HPS3: variants seen among roughly 807,000 people sequenced by gnomAD.
The protein encoded by HPS3 is HPS3 biogenesis of lysosomal organelles complex 2 subunit 1.
Under a neutral mutation model 110.9 loss-of-function variants are expected in HPS3, and 79 were observed. The observed-to-expected ratio is 0.71, with a 90% CI of 0.59 to 0.86. The LOEUF (loss-of-function observed/expected upper bound fraction) is 0.86. Among genes scored for constraint, HPS3 ranks in the 40% least tolerant of loss-of-function variants. The pLI is 0.00. For synonymous variants in HPS3, 428 were observed against 451.0 expected (o/e 0.95, Z 0.65); for missense variants, 1,197 against 1,206.2 (o/e 0.99, Z 0.11).
intron 12 of HPS3, 102 bp downstream of exon 12, chr3:149,162,435 G>GA (rs1011186746): frequency 3.6e-6 from 4 of 1,108,262 alleles, no homozygotes; most frequent in African/African-American, 1.6e-5. Context: ...TTTGTTTATT[G>GA]AAAAAACAGA....
chr3:149,141,532 T>TG (rs1722462540), intron 4 of HPS3, 152 bp downstream of exon 4: 91 of 159,948 alleles, frequency 5.7e-4, no homozygotes, highest in Middle Eastern at 1.7e-3. Context: ...TTTTTTTTTG[T>TG]TTTTTTTTTT....
intron 6 of HPS3, among the ~76,000 whole-genome samples, chr3:149,152,682 G>A (rs1018847076): frequency 3.4e-4 from 51 of 152,164 alleles, no homozygotes; most frequent in African/African-American, 1.2e-3. Context: ...CTTTTCCTCT[G>A]AGATTCTGAC....
At chr3:149,144,677 G>C (rs1722684353) in intron 4 of HPS3, among the ~76,000 whole-genome samples, 1 of 151,924 alleles carries the variant, frequency 6.6e-6, no homozygotes. Flanking sequence ...ATGTTTCTCT[G>C]TCCACTGTAT....
rs1352957239 is a variant in HPS3 at position 149,157,513 on chromosome 3, T to A, written c.1673T>A (p.Leu558His). ...GCATTTAAGGAAAGCTGTGGGCACC[T>A]TGGGGACTGTTACAGCAGGTGGGTG... ...LEAFKESCGH[L>H]GDCYSRLDSQ... The change falls in exon 9 of 17, where the codon CTT becomes CAT. Residue 558 changes from leucine to histidine, a missense_variant. Physicochemically the swap from Leu to His is moderately conservative, Grantham distance 99 (BLOSUM62 -3). Transcript: ENST00000296051. The A allele has an allele frequency of 6.2e-7, 1 of 1,613,772 alleles. No individual in the cohort carries two copies. Among genetic ancestry groups the A allele is most frequent in the East Asian group, 2.2e-5 (1 of 44,874 alleles).
rs16861537 is a variant in HPS3, at chr3:149,149,547, C to T, written c.1164-1052C>T. Among the ~76,000 whole-genome samples, 203 of 152,280 alleles carry T rather than the reference C, an allele frequency of 1.3e-3. 1 individual carries two copies. The highest frequency in any genetic ancestry group is 4.7e-3 in the African/African-American group (195 of 41,556). On this transcript the variant is annotated intron_variant, in intron 5 of 16. Coordinates refer to ENST00000296051, the MANE Select transcript of HPS3 (RefSeq NM_032383.5). ...CAGATGGAGAGAGGCCTGACTACCT[C>T]TTAAATTGTGCTAAGCCTCCTAACT...
Position 149,162,574 on chromosome 3 carries a change from C to G in HPS3, c.2293-116C>G, listed in dbSNP as rs779846199. The G allele has an allele frequency of 4.2e-6, 5 of 1,189,248 alleles. No individual in the cohort carries two copies. In the African/African-American group the frequency reaches 7.5e-5, roughly 18 times the overall value. 73.7% of individuals were successfully genotyped at this position (1,189,248 alleles called of 1,614,324 possible). A position where few individuals can be genotyped will look rare whatever the true frequency, so the allele number is the denominator to read the frequency against. ...ATTTGCTTTTGCCATGGCGCTAATG[C>G]TAATGGTAAATTATTGATTGCGTGG... On this transcript the variant is annotated intron_variant, in intron 12 of 16. Transcript: ENST00000296051.
At chr3:149,158,974 G>A in intron 10 of HPS3, 128 bp downstream of exon 10, 1 of 668,732 alleles carries the variant, frequency 1.5e-6, no homozygotes, top group Non-Finnish European at 2.5e-6. Context: ...TTCTAAAAAA[G>A]TAATGTGACC....
At chr3:149,161,964 T>G (rs776125537) in intron 11 of HPS3, among the ~76,000 whole-genome samples, 184 bp from the exon 12 acceptor site, 3 of 152,228 alleles carry the variant, frequency 2.0e-5, no homozygotes, top group Non-Finnish European at 4.4e-5. Flanking sequence ...GTTAGTAACT[T>G]CTGTAAGACA....
At chr3:149,149,053 A>C (rs1722949980) in intron 5 of HPS3, among the ~76,000 whole-genome samples, 1 of 145,622 alleles carries the variant, frequency 6.9e-6, no homozygotes, top group African/African-American at 2.5e-5. Context: ...TCCCGGGTTC[A>C]TGCCATTCTC....
rs1308648446 is a variant in HPS3, at chr3:149,141,395, G to A, written c.970+15G>A. The A allele has an allele frequency of 2.5e-6, 4 of 1,595,108 alleles. No individual in the cohort carries two copies. In the East Asian group the frequency reaches 8.9e-5, roughly 36 times the overall value. Reference sequence around the variant, plus strand: ...TTACCAGACCGGTAAGCATGACAGTGCAGGAGTGCGACAGTGCAGCAAGGT... The same window carrying A: ...TTACCAGACCGGTAAGCATGACAGTACAGGAGTGCGACAGTGCAGCAAGGT... On this transcript the variant is annotated intron_variant, in intron 4 of 16. Coordinates refer to ENST00000296051, the MANE Select transcript of HPS3 (RefSeq NM_032383.5).
At chr3:149,137,225 G>A (rs1351248016) in intron 1 of HPS3, among the ~76,000 whole-genome samples, 1 of 152,160 alleles carries the variant, frequency 6.6e-6, no homozygotes, top group Non-Finnish European at 1.5e-5. Flanking sequence ...AAGAAAAGAT[G>A]CTCAAAATCA....
rs1393307454 is a variant in HPS3 at position 149,129,834 on chromosome 3, G to T, written c.111G>T (p.Ala37=). 6.2e-7 allele frequency: 1 copy of T among 1,604,888 alleles called. No homozygotes were observed. The highest frequency in any genetic ancestry group is 1.7e-5 in the Admixed American group (1 of 59,836). Residue 37 remains alanine (A), a synonymous_variant, in exon 1 of 17, where the codon GCG becomes GCT. Coordinates refer to ENST00000296051, the MANE Select transcript of HPS3 (RefSeq NM_032383.5). ...GGCGTGACGCGCTTTTCGTGGCGGC[G>T]GGCTGCAAGGTGGAGGCGTTCGCGG... ...GGGRDALFVA[A]GCKVEAFAVA...
rs1306281704 is a variant in HPS3, at chr3:149,172,138, C to A, written c.2931C>A (p.Phe977Leu). The change falls in exon 17 of 17, where the codon TTC becomes TTA. Residue 977 changes from phenylalanine (F) to leucine (L), a missense_variant. Transcript: ENST00000296051. ...IVAVELELKD[F>L]MNVLPEDGTA... ...CTGTGGAACTAGAACTGAAGGATTT[C>A]ATGAATGTTCTCCCAGAAGATGGTA... is the stretch of plus-strand genomic sequence containing the variant. The A allele has an allele frequency of 1.2e-6, 2 of 1,612,492 alleles. No homozygotes were observed. Among genetic ancestry groups the A allele is most frequent in the Admixed American group, 3.3e-5 (2 of 60,020 alleles).
intron 12 of HPS3, 153 bp from the exon 13 acceptor site, chr3:149,162,536 TA>T (rs769588830): frequency 1.4e-4 from 143 of 988,796 alleles, no homozygotes; most frequent in Non-Finnish European, 2.1e-4. Context: ...TGTTTCCTTT[TA>T]AAAATGTCTA....
At position 149,129,906 on chromosome 3, in the gene HPS3, G is replaced by C; in HGVS notation, c.183G>C (p.Leu61=). The change falls in exon 1 of 17, where the codon CTG becomes CTC. Residue 61 remains leucine (L), a synonymous_variant. Transcript: ENST00000296051. ...LCQPRCAFST[L]GRVLRLAYSE... ...AGCCGCGGTGCGCCTTCTCCACGCT[G>C]GGCCGGGTGTTGCGCCTGGCCTACA... is the stretch of plus-strand genomic sequence containing the variant. 1.3e-6 allele frequency: 2 copies of C among 1,572,836 alleles called. No individual in the cohort carries two copies. Among genetic ancestry groups the C allele is most frequent in the Non-Finnish European group, 1.7e-6 (2 of 1,165,900 alleles).
intron 14 of HPS3, among the ~76,000 whole-genome samples, chr3:149,164,521 G>A (rs190210432): frequency 1.1e-4 from 16 of 152,326 alleles, no homozygotes; most frequent in Admixed American, 3.3e-4. Flanking sequence ...GGTGGATCAG[G>A]CTGGGCCACA....
chr3:149,135,346 C>T (rs1241912537), intron 1 of HPS3, among the ~76,000 whole-genome samples: 2 of 152,118 alleles, frequency 1.3e-5, no homozygotes, highest in Admixed American at 1.3e-4. Context: ...TTGTAGTCCC[C>T]ATAACCCCCA....
In HPS3 at chr3:149,155,221, C is replaced by CT; in HGVS notation, c.1509+10dup. On this transcript the variant is annotated splice_region_variant and intron_variant, in intron 8 of 16. Coordinates refer to ENST00000296051, the MANE Select transcript of HPS3 (RefSeq NM_032383.5). The stretch of plus-strand genomic sequence containing the variant: ...TGCAGCTGTACAAAGAGATGGTACT[C>CT]TTTTCAAACTTCTGATTCTTGTTTG... The CT allele has an allele frequency of 7.5e-7, 1 of 1,325,656 alleles. No homozygotes were observed. Among genetic ancestry groups the CT allele is most frequent in the Non-Finnish European group, 1.1e-6 (1 of 917,534 alleles). 82.1% of individuals were successfully genotyped at this position (1,325,656 alleles called of 1,614,324 possible). A position where few individuals can be genotyped will look rare whatever the true frequency, so the allele number is the denominator to read the frequency against.
In HPS3 at chr3:149,151,224, G is replaced by A. The variant is rs1723093469; in HGVS notation, c.1245+544G>A. Among the ~76,000 whole-genome samples the A allele has an allele frequency of 2.0e-5, 3 of 150,396 alleles. No individual in the cohort carries two copies. The South Asian group carries it at 6.3e-4, about 32-fold the overall frequency. On this transcript the variant is annotated intron_variant, in intron 6 of 16. Coordinates refer to ENST00000296051, the MANE Select transcript of HPS3 (RefSeq NM_032383.5). ...TATTATTTTTTTTTCTGCAGAGACA[G>A]GTTTTGCCGTGTCGCCCAGGCTGGT...
Sources: allele counts gnomAD v4.1 joint callset (sites outside exome capture counted in the v4.1 genomes callset), GRCh38; gene constraint gnomAD v4.1.1; transcripts MANE v1.5; gene names NCBI Gene and HGNC (gene_info 2026-07-23, HGNC 2026-07-21).